Variants in DLG2 observed in about 807,000 individuals in gnomAD.
DLG2 encodes the protein disks large homolog 2.
Under a neutral mutation model 132.5 loss-of-function variants are expected in DLG2, and 45 were observed. That is an observed-to-expected ratio of 0.34 (90% CI 0.27 to 0.44). The LOEUF is 0.44. Ranked by LOEUF, DLG2 falls within the 20% of genes least tolerant of loss-of-function variation. The probability of loss-of-function intolerance (pLI) is 1.00; values close to 1 mark genes in which losing one functional copy is unlikely to be tolerated. For missense variants in DLG2, 1,045 were observed against 1,196.9 expected, an observed-to-expected ratio of 0.87 and a Z score of 1.87; for synonymous variants, 424 against 419.6, an observed-to-expected ratio of 1.01 and a Z score of -0.13.
intron 4 of DLG2, among the ~76,000 whole-genome samples, chr11:85,228,496 A>G (rs530764140): frequency 1.5e-4 from 23 of 152,186 alleles, no homozygotes; most frequent in African/African-American, 5.1e-4. Context: ...TAATCTTTTT[A>G]ACCTTTGTTG....
intron 2 of DLG2, among the ~76,000 whole-genome samples, chr11:85,624,311 A>T (rs1364515920): frequency 6.6e-6 from 1 of 152,224 alleles, no homozygotes; most frequent in Non-Finnish European, 1.5e-5. Context: ...GGTATCAGTA[A>T]AAGAATCTCC....
At chr11:85,408,536 T>TC (rs1402045260) in intron 3 of DLG2, among the ~76,000 whole-genome samples, 1 of 119,250 alleles carries the variant, frequency 8.4e-6, no homozygotes, top group Non-Finnish European at 1.7e-5. Flanking sequence ...CCCAATGCTA[T>TC]CCCTCCCCCC....
At chr11:83,754,520 T>C (rs191274740) in intron 18 of DLG2, among the ~76,000 whole-genome samples, 2 of 151,544 alleles carry the variant, frequency 1.3e-5, no homozygotes, top group East Asian at 3.9e-4. Context: ...ACATTTATCA[T>C]TTGCATCAAG....
At chr11:84,714,547 C>G (rs1236273126) in intron 6 of DLG2, among the ~76,000 whole-genome samples, 1 of 135,246 alleles carries the variant, frequency 7.4e-6, no homozygotes, top group Non-Finnish European at 1.5e-5. Flanking sequence ...TTCTCTTTCT[C>G]TTTCTCTCTC....
intron 4 of DLG2, among the ~76,000 whole-genome samples, chr11:85,243,783 T>C (rs1303034100): frequency 1.3e-5 from 2 of 151,958 alleles, no homozygotes; most frequent in African/African-American, 4.8e-5. Flanking sequence ...CGCCCAACCT[T>C]GAATAACTCA....
chr11:84,304,936 T>C (rs996439258), intron 7 of DLG2, among the ~76,000 whole-genome samples: 3 of 152,222 alleles, frequency 2.0e-5, no homozygotes, highest in South Asian at 2.1e-4. Flanking sequence ...TTCCATTTGA[T>C]AATGTTTTGT....
chr11:83,748,464 G>A (rs1024458396), intron 18 of DLG2, among the ~76,000 whole-genome samples: 9 of 152,090 alleles, frequency 5.9e-5, no homozygotes, highest in Admixed American at 2.0e-4. Flanking sequence ...TTTTTCTACT[G>A]TATTAGCCCT....
At chr11:84,027,093 G>A (rs1039178270) in intron 11 of DLG2, among the ~76,000 whole-genome samples, 1 of 151,924 alleles carries the variant, frequency 6.6e-6, no homozygotes, top group Admixed American at 6.6e-5. Context: ...GGCCACTGTG[G>A]GTAACAAAGG....
chr11:84,834,140 A>C (rs2079402520), intron 6 of DLG2, among the ~76,000 whole-genome samples: 2 of 151,722 alleles, frequency 1.3e-5, no homozygotes, highest in South Asian at 4.1e-4. Context: ...TTCTAATATT[A>C]ATTAAATAAC....
intron 7 of DLG2, among the ~76,000 whole-genome samples, chr11:84,415,068 CA>C (rs2098924430): frequency 6.6e-6 from 1 of 152,140 alleles, no homozygotes; most frequent in African/African-American, 2.4e-5. Flanking sequence ...TTTCAATATG[CA>C]AAGCAGAGGA....
At chr11:84,428,927 T>G (rs2098975632) in intron 7 of DLG2, among the ~76,000 whole-genome samples, 1 of 152,216 alleles carries the variant, frequency 6.6e-6, no homozygotes, top group Non-Finnish European at 1.5e-5. Context: ...TGAAGAAGAC[T>G]CTGGCTTTAT....
intron 6 of DLG2, among the ~76,000 whole-genome samples, chr11:85,011,988 A>G (rs1354799971): frequency 6.6e-6 from 1 of 152,182 alleles, no homozygotes; most frequent in African/African-American, 2.4e-5. Context: ...CAAGGAAACC[A>G]TAGACTGGTC....
At chr11:85,569,829 T>C (rs552892399) in intron 3 of DLG2, among the ~76,000 whole-genome samples, 1 of 152,162 alleles carries the variant, frequency 6.6e-6, no homozygotes, top group Non-Finnish European at 1.5e-5. Flanking sequence ...CTTTGGAGAT[T>C]TCTCAAAGAA....
At chr11:84,134,872 A>G (rs140962010) in intron 9 of DLG2, among the ~76,000 whole-genome samples, 1 of 151,958 alleles carries the variant, frequency 6.6e-6, no homozygotes, top group Non-Finnish European at 1.5e-5. Context: ...AGTCCAGCCA[A>G]TATAGGGTAG....
chr11:83,624,331 T>TA (rs1373176661), intron 19 of DLG2, among the ~76,000 whole-genome samples: 2 of 152,176 alleles, frequency 1.3e-5, no homozygotes, highest in Non-Finnish European at 2.9e-5. Flanking sequence ...AAAAACCTTT[T>TA]AAAATCAGGT....
intron 7 of DLG2, among the ~76,000 whole-genome samples, chr11:84,515,937 T>G (rs1057255381): frequency 6.6e-6 from 1 of 151,664 alleles, no homozygotes; most frequent in African/African-American, 2.4e-5. Context: ...GGGAGAAACT[T>G]TGGAAAATTC....
chr11:83,862,689 A>G (rs976518950), intron 16 of DLG2, among the ~76,000 whole-genome samples: 1 of 152,186 alleles, frequency 6.6e-6, no homozygotes. Context: ...TGGCAGCAGC[A>G]TTCATAATAT....
At chr11:84,360,045 T>A (rs1055597499) in intron 7 of DLG2, among the ~76,000 whole-genome samples, 4 of 151,876 alleles carry the variant, frequency 2.6e-5, no homozygotes, top group Non-Finnish European at 5.9e-5. Context: ...AATGTGTAAT[T>A]TTACCCCATC....
intron 21 of DLG2, among the ~76,000 whole-genome samples, chr11:83,514,341 G>A (rs1377668465): frequency 6.6e-6 from 1 of 152,018 alleles, no homozygotes; most frequent in African/African-American, 2.4e-5. Context: ...GTCTGTTGTT[G>A]GTGTATAAGA....
Sources: allele counts gnomAD v4.1 joint callset (sites outside exome capture counted in the v4.1 genomes callset), GRCh38; gene constraint gnomAD v4.1.1; transcripts MANE v1.5; gene names NCBI Gene and HGNC (gene_info 2026-07-23, HGNC 2026-07-21).